KIAA0319L: variants seen among roughly 807,000 people sequenced by gnomAD.
KIAA0319L encodes the protein dyslexia-associated protein KIAA0319-like protein.
Under a neutral mutation model 120.1 loss-of-function variants are expected in KIAA0319L, and 55 were observed. The observed-to-expected ratio is 0.46, with a 90% CI of 0.37 to 0.57. The LOEUF is 0.57. Ranked by LOEUF, KIAA0319L falls within the 20% of genes least tolerant of loss-of-function variation. The pLI is 0.00. For synonymous variants in KIAA0319L, 398 were observed against 471.9 expected (o/e 0.84, Z 2.03); for missense variants, 1,049 against 1,255.3 (o/e 0.84, Z 2.48).
At chr1:35,447,625 G>A (rs1641728785) in intron 16 of KIAA0319L, among the ~76,000 whole-genome samples, 1 of 147,760 alleles carries the variant, frequency 6.8e-6, no homozygotes, top group Non-Finnish European at 1.5e-5. Context: ...AGGCTGGAGT[G>A]CAGTGGTGTG....
chr1:35,544,778 A>G (rs1028935822), intron 2 of KIAA0319L, among the ~76,000 whole-genome samples: 2 of 152,196 alleles, frequency 1.3e-5, no homozygotes, highest in African/African-American at 4.8e-5. Context: ...GGAGTAGCTG[A>G]TATCAGACTC....
chr1:35,522,118 T>C (rs887617190), intron 2 of KIAA0319L, among the ~76,000 whole-genome samples: 7 of 152,138 alleles, frequency 4.6e-5, no homozygotes, highest in East Asian at 1.9e-4. Flanking sequence ...GCAGTATGTA[T>C]AGCATGCCAC....
Position 35,453,467 on chromosome 1 carries a change from A to G in KIAA0319L, c.1913+90T>C. Reference sequence around the variant, plus strand: ...AGTCACCCCACTGGATAAGCCAATAAGAGCAACTCAACTCATAATAGCAAA... The same window carrying G: ...AGTCACCCCACTGGATAAGCCAATAGGAGCAACTCAACTCATAATAGCAAA... On this transcript the variant is annotated intron_variant, in intron 12 of 20. Transcript: ENST00000325722. The surrounding 1 kb of genome is among the most constrained non-coding windows in gnomAD (Gnocchi z 4.1). 1 of 1,266,564 alleles carries G rather than the reference A, an allele frequency of 7.9e-7. No homozygotes were observed. Among genetic ancestry groups the G allele is most frequent in the South Asian group, 1.4e-5 (1 of 73,306 alleles). 78.5% of individuals were successfully genotyped at this position (1,266,564 alleles called of 1,614,324 possible).
At chr1:35,477,535 T>C (rs555491938) in intron 4 of KIAA0319L, among the ~76,000 whole-genome samples, 42 of 151,800 alleles carry the variant, frequency 2.8e-4, no homozygotes, top group South Asian at 8.3e-4. Context: ...GGCGTGGTGG[T>C]GGGCGCCTGT....
intron 2 of KIAA0319L, among the ~76,000 whole-genome samples, chr1:35,517,774 G>A (rs887341194): frequency 2.6e-5 from 4 of 152,144 alleles, no homozygotes; most frequent in African/African-American, 9.7e-5. Context: ...TATCAACAGA[G>A]TAAAGAGACA....
At chr1:35,508,376 C>T (rs1278596301) in intron 2 of KIAA0319L, among the ~76,000 whole-genome samples, 1 of 152,130 alleles carries the variant, frequency 6.6e-6, no homozygotes, top group African/African-American at 2.4e-5. Flanking sequence ...ACTGAAAAGA[C>T]CTCTAACGAA....
rs191177275 is a variant in KIAA0319L, at chr1:35,532,117, G to A, written c.142+22233C>T. Among the ~76,000 whole-genome samples, 47 of 152,006 alleles carry A rather than the reference G, an allele frequency of 3.1e-4. 2 individuals carry two copies. The highest frequency in any genetic ancestry group is 2.4e-3 in the Admixed American group (37 of 15,262). ...CTCTAAAAAAATACAAAAATTAGCC[G>A]GGCGTGGTGGTAGGCACCAAGTAGC... is the stretch of plus-strand genomic sequence containing the variant. On this transcript the variant is annotated intron_variant, in intron 2 of 20. Coordinates refer to ENST00000325722, the MANE Select transcript of KIAA0319L (RefSeq NM_024874.5).
chr1:35,438,534 T>C (rs112854009), intron 20 of KIAA0319L: 2 of 147,990 alleles, frequency 1.4e-5, no homozygotes, highest in African/African-American at 5.0e-5. Context: ...TTTTTTTTTT[T>C]TTTTTTTGAG....
chr1:35,456,211 G>A lies in KIAA0319L; in HGVS notation c.1458C>T (p.Thr486=), dbSNP rs774959841. ...CTGTCAGGTTTGCAGTAGTAGAGTTGGTAGCTCCATCAGAGTCTACTACAG... is the reference window on the plus strand; with the variant it reads ...CTGTCAGGTTTGCAGTAGTAGAGTTAGTAGCTCCATCAGAGTCTACTACAG... ...SLTVVDSDGA[T]NSTTANLTVN... Residue 486 remains threonine, a synonymous_variant, in exon 10 of 21, where the codon ACC becomes ACT. Coordinates refer to ENST00000325722, the MANE Select transcript of KIAA0319L (RefSeq NM_024874.5). The A allele has an allele frequency of 2.5e-6, 4 of 1,604,378 alleles. No homozygotes were observed. Among genetic ancestry groups the A allele is most frequent in the Non-Finnish European group, 2.6e-6 (3 of 1,174,410 alleles).
chr1:35,528,212 TGA>T (rs1646229326), intron 2 of KIAA0319L, among the ~76,000 whole-genome samples: 1 of 152,204 alleles, frequency 6.6e-6, no homozygotes, highest in Non-Finnish European at 1.5e-5. Flanking sequence ...CTCAGCCTCC[TGA>T]GTAGTTAGGA....
chr1:35,455,954 T>G, intron 10 of KIAA0319L, 59 bp downstream of exon 10: 2 of 1,276,704 alleles, frequency 1.6e-6, no homozygotes, highest in Non-Finnish European at 2.2e-6. Context: ...TTTCTAAAAA[T>G]GCAGTCCAGC....
Position 35,506,975 on chromosome 1 carries a change from T to G in KIAA0319L, c.303A>C (p.Leu101=). ...AGTCTGCCTGAATGCACATCCCTTC[T>G]AGCCACCAAAAGACATGGCAGGCAG... ...QDSACHVFWW[L]EGMCIQADCS... is the part of the protein sequence containing the mutation. The change falls in exon 3 of 21, where the codon CTA becomes CTC. Residue 101 remains leucine (L), a synonymous_variant. Coordinates refer to ENST00000325722, the MANE Select transcript of KIAA0319L (RefSeq NM_024874.5). This position sits in a 1 kb window ranked among gnomAD's most constrained non-coding sequence, Gnocchi z 4.0. 6.2e-7 allele frequency: 1 copy of G among 1,613,620 alleles called. No individual in the cohort carries two copies. The highest frequency in any genetic ancestry group is 1.1e-5 in the South Asian group (1 of 91,024).
intron 3 of KIAA0319L, among the ~76,000 whole-genome samples, chr1:35,494,372 C>T (rs1644715823): frequency 6.6e-6 from 1 of 152,020 alleles, no homozygotes. Flanking sequence ...TCACTTGAAC[C>T]CGGGAGGCGG....
In KIAA0319L at chr1:35,442,172, G is replaced by A. The variant is rs943708983; in HGVS notation, c.2870+74C>T. ...CCAGCCCAGTCCTTCCACGTGGAAG[G>A]TGCCAAATACCTCTCTGAGGAACGA... On this transcript the variant is annotated intron_variant, in intron 19 of 20. Transcript: ENST00000325722. 5.3e-6 allele frequency: 6 copies of A among 1,135,706 alleles called. No individual in the cohort carries two copies. The African/African-American group carries it at 7.6e-5, about 14-fold the overall frequency. The allele number at this position is 1,135,706 out of a possible 1,614,324, so 70.4% of individuals were successfully genotyped here.
At chr1:35,557,624 C>G (rs1403103796), upstream of KIAA0319L, 1 of 453,894 alleles carries the variant, frequency 2.2e-6, no homozygotes, top group South Asian at 1.6e-5. Flanking sequence ...CTCCTTCGCT[C>G]GAGCCCCAGC....
At chr1:35,508,133 A>G (rs1452602808) in intron 2 of KIAA0319L, among the ~76,000 whole-genome samples, 2 of 152,254 alleles carry the variant, frequency 1.3e-5, no homozygotes, top group Non-Finnish European at 2.9e-5. Flanking sequence ...GAGGTGCCTC[A>G]GGCACAAAAT....
intron 9 of KIAA0319L, among the ~76,000 whole-genome samples, chr1:35,456,841 AAG>A (rs1642490086): frequency 7.1e-6 from 1 of 140,276 alleles, no homozygotes; most frequent in African/African-American, 2.6e-5. Context: ...GGAAGGAAGG[AAG>A]GAGAGATGGA....
intron 6 of KIAA0319L, among the ~76,000 whole-genome samples, chr1:35,467,118 C>A (rs534963163): frequency 3.3e-5 from 5 of 149,694 alleles, no homozygotes; most frequent in Admixed American, 6.6e-5. Flanking sequence ...AAAAAAAAAA[C>A]CCTTTTAATG....
intron 2 of KIAA0319L, among the ~76,000 whole-genome samples, chr1:35,521,732 G>A (rs1345803926): frequency 6.6e-6 from 1 of 151,856 alleles, no homozygotes; most frequent in Admixed American, 6.6e-5. Context: ...CAGCACTTTG[G>A]GAGGCCAAGG....
Sources: gnomAD v4.1 joint callset for allele counts (sites outside exome capture counted in the v4.1 genomes callset) on GRCh38, gnomAD v4.1.1 for gene constraint, Gnocchi (gnomAD v3.1) non-coding constraint, MANE v1.5 for transcripts, NCBI Gene and HGNC (gene_info 2026-07-23, HGNC 2026-07-21) for gene names.